Variants in F11R observed in about 807,000 individuals in gnomAD.
F11R encodes the protein junctional adhesion molecule A.
F11R carries 27 observed loss-of-function variants against 39.3 expected under a neutral mutation model. The observed-to-expected ratio is 0.69, with a 90% CI of 0.51 to 0.95. The LOEUF (loss-of-function observed/expected upper bound fraction) is 0.95. Ranked by LOEUF, F11R falls within the 40% of genes least tolerant of loss-of-function variation. The pLI is 0.00. For synonymous variants in F11R, 131 were observed against 144.9 expected (o/e 0.90, Z 0.69); for missense variants, 335 against 372.7 (o/e 0.90, Z 0.83).
chr1:161,016,132 G>A (rs905957898), intron 1 of F11R, among the ~76,000 whole-genome samples: 5 of 151,810 alleles, frequency 3.3e-5, no homozygotes, highest in African/African-American at 1.2e-4. Flanking sequence ...GAAGTCAGGA[G>A]TTCGAGACCA....
At chr1:161,007,156 A>C (rs927914958) in intron 1 of F11R, among the ~76,000 whole-genome samples, 8 of 109,750 alleles carry the variant, frequency 7.3e-5, no homozygotes, top group African/African-American at 2.8e-4. Flanking sequence ...GGGCAACAAG[A>C]AACTCCGTCT....
chr1:161,017,972 G>C (rs1649557385), intron 1 of F11R, among the ~76,000 whole-genome samples: 2 of 152,226 alleles, frequency 1.3e-5, no homozygotes, highest in Non-Finnish European at 2.9e-5. Context: ...CCACACTCAA[G>C]GAAGGGCAGG....
In F11R at chr1:160,999,724, C is replaced by T. The variant is rs745416395; in HGVS notation, c.718G>A (p.Val240Met). 36 of 1,614,062 alleles carry T rather than the reference C, an allele frequency of 2.2e-5. No homozygotes were observed. The highest frequency in any genetic ancestry group is 2.7e-5 in the Non-Finnish European group (32 of 1,180,038). Reference protein sequence around the residue: ...EAVERNVGVIVAAVLVTLILL... With the variant: ...EAVERNVGVIMAAVLVTLILL... ...ATCAGGGTTACAAGGACGGCTGCCA[C>T]GATGACCCCCACATTCCGCTCCACT... is the stretch of plus-strand genomic sequence containing the variant. The change falls in exon 7 of 10, where the codon GTG (valine) becomes ATG (methionine). Residue 240 changes from valine to methionine, a missense_variant. By Grantham distance (21) the Val-to-Met change is conservative. Coordinates refer to ENST00000368026, the MANE Select transcript of F11R (RefSeq NM_016946.6).
intron 6 of F11R, 52 bp from the exon 7 acceptor site, chr1:160,999,799 T>G: frequency 1.9e-6 from 3 of 1,603,128 alleles, no homozygotes; most frequent in Non-Finnish European, 2.6e-6. Flanking sequence ...TCACGGCACC[T>G]ACAGTATCAC....
chr1:160,999,099 C>T lies in F11R; in HGVS notation c.816-8G>A, dbSNP rs1648307621. ...ACCTTCTTACTCGAAGTCCTGTGAACAAGCCAGAAGACAGAGACACTCAGC... is the reference window on the plus strand; with the variant it reads ...ACCTTCTTACTCGAAGTCCTGTGAATAAGCCAGAAGACAGAGACACTCAGC... On this transcript the variant is annotated splice_region_variant and splice_polypyrimidine_tract_variant and intron_variant, in intron 8 of 9. Transcript: ENST00000368026. The T allele has an allele frequency of 1.2e-6, 2 of 1,614,086 alleles. No individual in the cohort carries two copies. The highest frequency in any genetic ancestry group is 1.7e-5 in the Admixed American group (1 of 60,002).
chr1:161,010,744 G>A (rs1280438126), intron 1 of F11R, among the ~76,000 whole-genome samples: 3 of 151,854 alleles, frequency 2.0e-5, no homozygotes, highest in Admixed American at 1.3e-4. Flanking sequence ...CCAGCACTTC[G>A]GGAGGCTGAG....
intron 1 of F11R, among the ~76,000 whole-genome samples, chr1:161,002,043 G>C (rs576240294): frequency 7.2e-5 from 11 of 152,026 alleles, no homozygotes; most frequent in African/African-American, 2.7e-4. Context: ...AGGTGGGGAG[G>C]TCATGAGGTC....
At chr1:161,015,055 G>A (rs1298545405) in intron 1 of F11R, among the ~76,000 whole-genome samples, 9 of 148,130 alleles carry the variant, frequency 6.1e-5, no homozygotes, top group African/African-American at 1.8e-4. Flanking sequence ...TCCAGCCTGG[G>A]TAACAGAGCA....
In F11R at chr1:161,008,052, A is replaced by G. The variant is rs148160630; in HGVS notation, c.65-6699T>C. ...CTGTACACACACATGCAAATGTCCT[A>G]CTGATGTACGTGGTAAACGAATAAT... On this transcript the variant is annotated intron_variant, in intron 1 of 9. Coordinates refer to ENST00000368026, the MANE Select transcript of F11R (RefSeq NM_016946.6). Among the ~76,000 whole-genome samples the G allele has an allele frequency of 1.5e-3, 225 of 152,306 alleles. 2 individuals carry two copies. The highest frequency in any genetic ancestry group is 5.3e-3 in the African/African-American group (221 of 41,576).
At chr1:161,006,765 T>C (rs1648840731) in intron 1 of F11R, among the ~76,000 whole-genome samples, 2 of 152,160 alleles carry the variant, frequency 1.3e-5, no homozygotes, top group Admixed American at 6.6e-5. Flanking sequence ...AGGCCAGCCT[T>C]ATCACCATGT....
At chr1:161,010,973 TAA>T (rs747869704) in intron 1 of F11R, among the ~76,000 whole-genome samples, 27,916 of 110,976 alleles carry the variant, frequency 0.25, 4,960 homozygotes, top group African/African-American at 0.52. Flanking sequence ...GACTCCATCT[TAA>T]AAAAAAAAAA....
chr1:161,009,506 G>A (rs2247799), intron 1 of F11R, among the ~76,000 whole-genome samples: 4,159 of 150,820 alleles, frequency 0.028, 183 homozygotes, highest in African/African-American at 0.094. Context: ...GCCCATGAAC[G>A]CCTATAACAC....
At chr1:161,003,677 A>G (rs1402531413) in intron 1 of F11R, among the ~76,000 whole-genome samples, 1 of 150,880 alleles carries the variant, frequency 6.6e-6, no homozygotes, top group Admixed American at 6.6e-5. Flanking sequence ...CCCACATTCA[A>G]GAGATTCTCC....
intron 1 of F11R, among the ~76,000 whole-genome samples, chr1:161,018,985 A>T (rs1649604129): frequency 6.6e-6 from 1 of 152,182 alleles, no homozygotes; most frequent in African/African-American, 2.4e-5. Flanking sequence ...AATATAGGAA[A>T]TTAGAGGGAG....
At chr1:161,019,534 G>A (rs1345726029) in intron 1 of F11R, among the ~76,000 whole-genome samples, 2 of 151,614 alleles carry the variant, frequency 1.3e-5, no homozygotes, top group East Asian at 1.9e-4. Flanking sequence ...GGCGGAGGTT[G>A]CGGTGGGCCA....
At chr1:161,014,797 G>T (rs1048891631) in intron 1 of F11R, among the ~76,000 whole-genome samples, 1 of 151,662 alleles carries the variant, frequency 6.6e-6, no homozygotes, top group Admixed American at 6.6e-5. Context: ...AAAATTAGCC[G>T]GGCAGCTCAC....
At chr1:161,001,379 C>A (rs761674428) in intron 1 of F11R, 26 bp from the exon 2 acceptor site, 1 of 1,601,948 alleles carries the variant, frequency 6.2e-7, no homozygotes, top group Admixed American at 1.7e-5. Context: ...GAGGTGGGCC[C>A]TGTCAGGAGT....
chr1:161,013,113 G>A (rs1369041143), intron 1 of F11R, among the ~76,000 whole-genome samples: 2 of 151,160 alleles, frequency 1.3e-5, no homozygotes, highest in African/African-American at 4.9e-5. Flanking sequence ...GTAGGCCCTG[G>A]TGTCTGTTGT....
At chr1:161,010,347 G>C (rs1404529407) in intron 1 of F11R, among the ~76,000 whole-genome samples, 1 of 146,108 alleles carries the variant, frequency 6.8e-6, no homozygotes, top group East Asian at 2.1e-4. Flanking sequence ...AGGAGGCTAA[G>C]GCAGGAGAAT....
Sources: allele counts gnomAD v4.1 joint callset (sites outside exome capture counted in the v4.1 genomes callset), GRCh38; gene constraint gnomAD v4.1.1; transcripts MANE v1.5; gene names NCBI Gene and HGNC (gene_info 2026-07-23, HGNC 2026-07-21).